Variants in NPEPPS observed in about 807,000 individuals in gnomAD.
The protein encoded by NPEPPS is puromycin-sensitive aminopeptidase.
In NPEPPS, 14 loss-of-function variants were observed where a neutral mutation model predicts 115.5. The ratio of observed to expected loss-of-function variants is 0.12; its 90% confidence interval spans 0.08 to 0.19. NPEPPS has a LOEUF of 0.19. Among genes scored for constraint, NPEPPS ranks in the 10% least tolerant of loss-of-function variants. The pLI, the probability that NPEPPS is intolerant of heterozygous loss-of-function variation, is 1.00. For synonymous variants in NPEPPS, 285 were observed against 390.6 expected (o/e 0.73, Z 3.19); for missense variants, 523 against 1,110.8 (o/e 0.47, Z 7.52).
chr17:47,569,783 A>T (rs564548864), intron 3 of NPEPPS, among the ~76,000 whole-genome samples: 3 of 152,070 alleles, frequency 2.0e-5, no homozygotes, highest in African/African-American at 7.2e-5. Context: ...ACACCGGCTA[A>T]TTTTTTTGTA....
At chr17:47,558,476 C>A (rs919809639) in intron 2 of NPEPPS, among the ~76,000 whole-genome samples, 4 of 152,130 alleles carry the variant, frequency 2.6e-5, no homozygotes, top group African/African-American at 9.6e-5. Context: ...GTCACCCATG[C>A]TGGAGTGCAG....
intron 17 of NPEPPS, among the ~76,000 whole-genome samples, chr17:47,610,845 C>CTTTTTTTTTTTTTTTTTT (rs59893483): frequency 4.0e-5 from 4 of 100,112 alleles, no homozygotes; most frequent in African/African-American, 1.2e-4. Context: ...TATGATGACT[C>CTTTTTTTTTTTTTTTTTT]TTTTTTTTTT....
intron 1 of NPEPPS, among the ~76,000 whole-genome samples, chr17:47,535,607 T>G (rs1217966829): frequency 1.3e-5 from 2 of 151,166 alleles, no homozygotes; most frequent in Non-Finnish European, 2.9e-5. Flanking sequence ...CTAGCTGGTT[T>G]TGAAAATTTG....
intron 2 of NPEPPS, among the ~76,000 whole-genome samples, chr17:47,553,749 G>GTC (rs1046858654): frequency 7.8e-4 from 118 of 151,260 alleles, no homozygotes; most frequent in African/African-American, 2.8e-3. Flanking sequence ...TGTTGTGTGC[G>GTC]TCTCTCTCTC....
intron 3 of NPEPPS, among the ~76,000 whole-genome samples, chr17:47,576,605 A>G (rs1175004133): frequency 1.3e-5 from 2 of 152,176 alleles, no homozygotes; most frequent in Admixed American, 1.3e-4. Flanking sequence ...TATTATTATT[A>G]AAGTATTTCA....
Position 47,566,113 on chromosome 17 carries a change from C to T in NPEPPS, c.341-3304C>T, listed in dbSNP as rs1910797198. Among the ~76,000 whole-genome samples, 4 of 152,136 alleles carry T rather than the reference C, an allele frequency of 2.6e-5. No homozygotes were observed. In the South Asian group the frequency reaches 8.3e-4, roughly 32 times the overall value. On this transcript the variant is annotated intron_variant, in intron 2 of 22. Coordinates refer to ENST00000322157, the MANE Select transcript of NPEPPS (RefSeq NM_006310.4). ...GGCTTCAGCAATGCTCTTGCCTCAG[C>T]CTTTGGAGTAGCTGGGACCACAGGT... is the stretch of plus-strand genomic sequence containing the variant.
At chr17:47,556,692 G>T (rs756451374) in intron 2 of NPEPPS, among the ~76,000 whole-genome samples, 47 of 152,138 alleles carry the variant, frequency 3.1e-4, no homozygotes, top group Non-Finnish European at 6.3e-4. Flanking sequence ...CGGACGGGGC[G>T]GCTGGCCGGG....
rs1313181319 is a variant in NPEPPS, at chr17:47,621,934, G to A, written c.*14G>A. The A allele has an allele frequency of 1.9e-6, 3 of 1,599,740 alleles. No homozygotes were observed. The highest frequency in any genetic ancestry group is 1.1e-5 in the South Asian group (1 of 89,866). ...CCCACAGTGTGAATCCTGAGGTGCC[G>A]CCATTGGCGGTTCTGCTGCTTCGCT... On this transcript the variant is annotated 3_prime_UTR_variant, in exon 23 of 23. Coordinates refer to ENST00000322157, the MANE Select transcript of NPEPPS (RefSeq NM_006310.4).
chr17:47,545,121 C>T, intron 1 of NPEPPS, among the ~76,000 whole-genome samples: 1 of 152,170 alleles, frequency 6.6e-6, no homozygotes, highest in Non-Finnish European at 1.5e-5. Context: ...CCTCCTCCCT[C>T]AGCCTCTCCA....
At chr17:47,532,364 C>T (rs150542839) in intron 1 of NPEPPS, among the ~76,000 whole-genome samples, 26,223 of 151,986 alleles carry the variant, frequency 0.17, 3,079 homozygotes, top group Non-Finnish European at 0.25. Flanking sequence ...CCTTCCTCTC[C>T]CAAGAAGCTG....
intron 12 of NPEPPS, 101 bp from the exon 13 acceptor site, chr17:47,596,252 C>A: frequency 1.5e-6 from 1 of 674,398 alleles, no homozygotes. Flanking sequence ...CTGAAAGAAC[C>A]AAAGAATTAG....
Position 47,621,974 on chromosome 17 carries a change from G to T in NPEPPS, c.*54G>T. ...GCTGCTTCGCTGCAGGGATAAGGTG[G>T]AGCTACCGAACAGCTGATTCATATG... is the stretch of plus-strand genomic sequence containing the variant. On this transcript the variant is annotated 3_prime_UTR_variant, in exon 23 of 23. Coordinates refer to ENST00000322157, the MANE Select transcript of NPEPPS (RefSeq NM_006310.4). 1 of 1,520,006 alleles carries T rather than the reference G, an allele frequency of 6.6e-7. No individual in the cohort carries two copies. The highest frequency in any genetic ancestry group is 2.4e-5 in the East Asian group (1 of 41,628). The allele number at this position is 1,520,006 out of a possible 1,614,324, so 94.2% of individuals were successfully genotyped here. A position where few individuals can be genotyped will look rare whatever the true frequency, so the allele number is the denominator to read the frequency against.
In NPEPPS at chr17:47,543,145, CAAAAAAA is replaced by C. The variant is rs941024934; in HGVS notation, c.256-2752_256-2746del. Among the ~76,000 whole-genome samples the C allele has an allele frequency of 4.8e-3, 254 of 53,068 alleles. 1 individual carries two copies. The highest frequency in any genetic ancestry group is 7.5e-3 in the African/African-American group (103 of 13,704). The allele number at this position is 53,068 out of a possible 152,430, so 34.8% of individuals were successfully genotyped here. ...TGGGCGAGAGAGCGAGACTCCATCT[CAAAAAAA>C]AAAAAAAAAAAGAAAAATGCACAAG... On this transcript the variant is annotated intron_variant, in intron 1 of 22. Transcript: ENST00000322157.
chr17:47,538,969 C>T (rs535156858), intron 1 of NPEPPS, among the ~76,000 whole-genome samples: 3 of 152,200 alleles, frequency 2.0e-5, no homozygotes. Context: ...GCCTTAGTAG[C>T]CAGATAAACA....
chr17:47,547,651 C>T (rs1167385367), intron 2 of NPEPPS, among the ~76,000 whole-genome samples: 1 of 152,102 alleles, frequency 6.6e-6, no homozygotes, highest in Non-Finnish European at 1.5e-5. Context: ...AGCCACCACA[C>T]CTGGTTGCCT....
Position 47,562,360 on chromosome 17 carries a change from A to G in NPEPPS, c.341-7057A>G, listed in dbSNP as rs532973918. Among the ~76,000 whole-genome samples the G allele has an allele frequency of 4.6e-5, 7 of 152,320 alleles. No individual in the cohort carries two copies. In the East Asian group the frequency reaches 9.6e-4, roughly 21 times the overall value. On this transcript the variant is annotated intron_variant, in intron 2 of 22. Transcript: ENST00000322157. Reference sequence around the variant, plus strand: ...GTAGATAGCATGATAATTGAATTGGATTAGAAGGTGCTCAGCTGGTGGTAT... The same window carrying G: ...GTAGATAGCATGATAATTGAATTGGGTTAGAAGGTGCTCAGCTGGTGGTAT...
chr17:47,525,607 T>G (rs1174233140), intron 1 of NPEPPS, among the ~76,000 whole-genome samples: 2 of 152,166 alleles, frequency 1.3e-5, no homozygotes, highest in Non-Finnish European at 1.5e-5. Context: ...CCTCCCATAG[T>G]GCTGGGATTA....
intron 1 of NPEPPS, among the ~76,000 whole-genome samples, chr17:47,543,645 C>T (rs926340266): frequency 6.6e-6 from 1 of 151,606 alleles, no homozygotes; most frequent in Non-Finnish European, 1.5e-5. Flanking sequence ...CATTTAATAC[C>T]CATTAGATTG....
At chr17:47,588,399 T>TAA (rs962080883) in intron 9 of NPEPPS, among the ~76,000 whole-genome samples, 5 of 151,076 alleles carry the variant, frequency 3.3e-5, no homozygotes, top group African/African-American at 1.2e-4. Flanking sequence ...CCATCTCCAC[T>TAA]AAAAAAAATA....
Sources: gnomAD v4.1 joint callset for allele counts (sites outside exome capture counted in the v4.1 genomes callset) on GRCh38, gnomAD v4.1.1 for gene constraint, MANE v1.5 for transcripts, NCBI Gene and HGNC (gene_info 2026-07-23, HGNC 2026-07-21) for gene names.